Variants in NRXN1 observed in about 807,000 individuals in gnomAD.
NRXN1 encodes neurexin 1, also known as neurexin-1.
A neutral mutation model predicts 150.9 loss-of-function variants in NRXN1; 39 were observed. The observed-to-expected ratio is 0.26, with a 90% confidence interval of 0.20 to 0.34. The LOEUF (loss-of-function observed/expected upper bound fraction) is 0.34, where lower values mean the gene tolerates loss of function less well. Among genes scored for constraint, NRXN1 ranks in the 10% least tolerant of loss-of-function variants. The pLI is 1.00. For missense variants in NRXN1, 1,815 were observed against 1,949.9 expected, an observed-to-expected ratio of 0.93 and a Z score of 1.30; for synonymous variants, 924 against 757.0, an observed-to-expected ratio of 1.22 and a Z score of -3.62.
In NRXN1 at chr2:50,925,214, T is replaced by C. The variant is rs187918955; in HGVS notation, c.790+724A>G. 6.4e-4 allele frequency among the ~76,000 whole-genome samples: 97 copies of C among 151,960 alleles called. 1 individual carries two copies. The highest frequency in any genetic ancestry group is 2.2e-3 in the African/African-American group (91 of 41,544). ...GTTTGTAGCACACTGACTAATGCAT[T>C]TAAGTTCTTAAAAAATGAGAATAAG... On this transcript the variant is annotated intron_variant, in intron 3 of 22. Coordinates refer to ENST00000401669, the MANE Select transcript of NRXN1 (RefSeq NM_001330078.2).
At chr2:50,150,934 C>A (rs1455200216) in intron 18 of NRXN1, among the ~76,000 whole-genome samples, 1 of 151,654 alleles carries the variant, frequency 6.6e-6, no homozygotes, top group Non-Finnish European at 1.5e-5. Flanking sequence ...CATCTAGAGC[C>A]AAGTGTCTAT....
chr2:50,482,879 C>T (rs1301617093), intron 15 of NRXN1, among the ~76,000 whole-genome samples: 4 of 151,666 alleles, frequency 2.6e-5, no homozygotes, highest in African/African-American at 7.3e-5. Context: ...GAAGAAACCC[C>T]AACTCTACTA....
chr2:50,082,422 G>T (rs1698106246), intron 19 of NRXN1, among the ~76,000 whole-genome samples: 1 of 152,070 alleles, frequency 6.6e-6, no homozygotes, highest in Non-Finnish European at 1.5e-5. Flanking sequence ...AAGTTAAAGG[G>T]GGAAATTTTA....
chr2:50,934,212 T>A (rs1688186524), intron 2 of NRXN1, among the ~76,000 whole-genome samples: 1 of 152,068 alleles, frequency 6.6e-6, no homozygotes, highest in Non-Finnish European at 1.5e-5. Flanking sequence ...CTGTGATATT[T>A]TTCTCAATAA....
chr2:50,883,660 G>A (rs771369042), intron 5 of NRXN1, among the ~76,000 whole-genome samples: 2 of 151,660 alleles, frequency 1.3e-5, no homozygotes, highest in Non-Finnish European at 2.9e-5. Context: ...TATATTATGT[G>A]TAAAAACATA....
chr2:50,223,428 G>C (rs890091891), intron 18 of NRXN1, among the ~76,000 whole-genome samples: 1 of 151,904 alleles, frequency 6.6e-6, no homozygotes, highest in Non-Finnish European at 1.5e-5. Context: ...GGTATTTGGA[G>C]GCGGAGCTAG....
intron 2 of NRXN1, among the ~76,000 whole-genome samples, chr2:50,962,373 C>A (rs908871974): frequency 7.3e-5 from 11 of 151,646 alleles, no homozygotes; most frequent in African/African-American, 2.7e-4. Context: ...TAGGCAAGTT[C>A]TATGAGAATG....
intron 17 of NRXN1, among the ~76,000 whole-genome samples, chr2:50,393,989 G>A (rs1255411712): frequency 1.3e-5 from 2 of 152,084 alleles, no homozygotes; most frequent in Non-Finnish European, 2.9e-5. Context: ...ATCTGACACG[G>A]TAGATTATTC....
chr2:50,887,070 T>C (rs1680359213), intron 5 of NRXN1, among the ~76,000 whole-genome samples: 1 of 151,458 alleles, frequency 6.6e-6, no homozygotes, highest in Admixed American at 6.6e-5. Context: ...TTTAAGAATA[T>C]ATTTTTCTTG....
intron 2 of NRXN1, among the ~76,000 whole-genome samples, chr2:50,997,644 A>T (rs1265669799): frequency 7.1e-6 from 1 of 140,056 alleles, no homozygotes; most frequent in African/African-American, 3.0e-5. Flanking sequence ...AGTAGCTATG[A>T]CTACAGGTGC....
At chr2:50,494,188 G>A (rs2091428461) in intron 15 of NRXN1, among the ~76,000 whole-genome samples, 1 of 152,130 alleles carries the variant, frequency 6.6e-6, no homozygotes, top group Non-Finnish European at 1.5e-5. Context: ...CCCTCAATGT[G>A]TAGGGCTGTA....
intron 5 of NRXN1, among the ~76,000 whole-genome samples, chr2:50,628,161 G>A (rs1005438323): frequency 6.6e-6 from 1 of 151,674 alleles, no homozygotes; most frequent in Middle Eastern, 3.2e-3. Context: ...CTCAACAAAG[G>A]TTTTGTTTGC....
intron 2 of NRXN1, among the ~76,000 whole-genome samples, chr2:50,950,207 CAT>C (rs1395091572): frequency 2.0e-5 from 3 of 152,014 alleles, no homozygotes; most frequent in East Asian, 1.9e-4. Flanking sequence ...TCTTTTAAAA[CAT>C]GTGTCAAGGT....
chr2:50,125,980 C>A (rs1296006237), intron 18 of NRXN1, among the ~76,000 whole-genome samples: 1 of 152,038 alleles, frequency 6.6e-6, no homozygotes, highest in Non-Finnish European at 1.5e-5. Flanking sequence ...GACCTGTTTA[C>A]TCCATTAGGA....
intron 8 of NRXN1, chr2:50,588,876 C>T (rs1673617274): frequency 6.6e-6 from 1 of 152,124 alleles, no homozygotes; most frequent in African/African-American, 2.4e-5. Flanking sequence ...GTGAAGTAGG[C>T]TCGTGTATCC....
chr2:50,487,641 C>G (rs933449976), intron 15 of NRXN1, among the ~76,000 whole-genome samples: 6 of 152,180 alleles, frequency 3.9e-5, no homozygotes, highest in Non-Finnish European at 8.8e-5. Flanking sequence ...ACCCATGGCT[C>G]AAGAGGAATT....
At position 51,028,148 on chromosome 2, in the gene NRXN1, G is replaced by A. The variant is rs776331474; in HGVS notation, c.126C>T (p.Arg42=). ...EFPGAEGQWT[R]FPKWNACCES... is the part of the protein sequence containing the mutation. Reference sequence around the variant, plus strand: ...CGCAGCAGGCGTTCCACTTGGGGAAGCGCGTCCATTGGCCCTCGGCGCCCG... The same window carrying A: ...CGCAGCAGGCGTTCCACTTGGGGAAACGCGTCCATTGGCCCTCGGCGCCCG... Residue 42 remains arginine (R), a synonymous_variant, in exon 2 of 23, where the codon CGC becomes CGT. Transcript: ENST00000401669. 2 of 1,546,946 alleles carry A rather than the reference G, an allele frequency of 1.3e-6. No homozygotes were observed. Among genetic ancestry groups the A allele is most frequent in the African/African-American group, 1.4e-5 (1 of 73,374 alleles).
At position 49,920,468 on chromosome 2, in the gene NRXN1, C is replaced by G. The variant is rs1239012172; in HGVS notation, c.*1476G>C. 1 of 152,486 alleles carries G rather than the reference C, an allele frequency of 6.6e-6. No homozygotes were observed. The highest frequency in any genetic ancestry group is 1.5e-5 in the Non-Finnish European group (1 of 68,024). The allele number at this position is 152,486 out of a possible 1,614,324, so 9.4% of individuals were successfully genotyped here. A position where few individuals can be genotyped will look rare whatever the true frequency, so the allele number is the denominator to read the frequency against. ...GCCCACATAATGGTTCTTATTCATG[C>G]AGCAGTATATCAGTGATATTCTATT... is the stretch of plus-strand genomic sequence containing the variant. On this transcript the variant is annotated 3_prime_UTR_variant, in exon 23 of 23. Transcript: ENST00000401669.
chr2:50,814,821 G>A (rs536350981), intron 5 of NRXN1, among the ~76,000 whole-genome samples: 4 of 152,132 alleles, frequency 2.6e-5, no homozygotes, highest in Admixed American at 1.3e-4. Context: ...TTGAAATTCT[G>A]TATTTTCCTT....
Sources: allele counts gnomAD v4.1 joint callset (sites outside exome capture counted in the v4.1 genomes callset), GRCh38; gene constraint gnomAD v4.1.1; transcripts MANE v1.5; gene names NCBI Gene and HGNC (gene_info 2026-07-23, HGNC 2026-07-21).